The following GALNT15 variants were observed in gnomAD, a reference collection of about 807,000 sequenced individuals.
GALNT15 encodes UDP-GalNAc transferase T15.
In GALNT15, 67 loss-of-function variants were observed where a neutral mutation model predicts 66.8. That is an observed-to-expected ratio of 1.00 (90% CI 0.82 to 1.23). GALNT15 has a LOEUF of 1.23. Among genes scored for constraint, GALNT15 ranks in the 50% most tolerant of loss-of-function variants. The pLI, the probability that GALNT15 is intolerant of heterozygous loss-of-function variation, is 0.00. For synonymous variants in GALNT15, 313 were observed against 311.5 expected (o/e 1.00, Z -0.05); for missense variants, 827 against 804.3 (o/e 1.03, Z -0.34).
rs770005085 is a variant in GALNT15, at chr3:16,211,240, A to G, written c.1196A>G (p.Lys399Arg). 1.9e-6 allele frequency: 3 copies of G among 1,597,474 alleles called. No individual in the cohort carries two copies. Among genetic ancestry groups the G allele is most frequent in the East Asian group, 2.2e-5 (1 of 44,810 alleles). Residue 399 changes from lysine (K) to arginine (R), a missense_variant and splice_region_variant, in exon 5 of 10, where the codon AAG (lysine) becomes AGG (arginine). Coordinates refer to ENST00000339732, the MANE Select transcript of GALNT15 (RefSeq NM_054110.5). This position sits in a 1 kb window ranked among gnomAD's most constrained non-coding sequence, Gnocchi z 4.3. ...RGGENLELSFKAWLCGGSVEI... is the reference protein window; with the variant it reads ...RGGENLELSFRAWLCGGSVEI... ...GGTGAAAACCTCGAACTGTCTTTCA[A>G]GGTATGTCCTGGACCAAGGGAGGAC...
Position 16,195,970 on chromosome 3 carries a change from C to A in GALNT15, c.706+44C>A. The A allele has an allele frequency of 6.3e-7, 1 of 1,598,460 alleles. No homozygotes were observed. The highest frequency in any genetic ancestry group is 8.6e-7 in the Non-Finnish European group (1 of 1,169,236). ...CAGGCTCGTCTGGGTGAGCCTTACC[C>A]CCTGGCGGGTGGAGTTCTCAAGCAA... On this transcript the variant is annotated intron_variant, in intron 2 of 9. Coordinates refer to ENST00000339732, the MANE Select transcript of GALNT15 (RefSeq NM_054110.5). The surrounding 1 kb of genome is among the most constrained non-coding windows in gnomAD (Gnocchi z 4.6).
In GALNT15 at chr3:16,184,918, A is replaced by G. The variant is rs2063503093; in HGVS notation, c.539+9228A>G. On this transcript the variant is annotated intron_variant, in intron 1 of 9. Coordinates refer to ENST00000339732, the MANE Select transcript of GALNT15 (RefSeq NM_054110.5). The surrounding 1 kb of genome is among the most constrained non-coding windows in gnomAD (Gnocchi z 5.0). ...TTCAATCACTGGCTGAGCACAGCTC[A>G]CTGGGGTGGGGTAGGGGTTAATTTT... is the stretch of plus-strand genomic sequence containing the variant. Among the ~76,000 whole-genome samples, 1 of 152,176 alleles carries G rather than the reference A, an allele frequency of 6.6e-6. No individual in the cohort carries two copies. The highest frequency in any genetic ancestry group is 1.9e-4 in the East Asian group (1 of 5,188).
chr3:16,238,298 A>G, the GALNT15 span, among the ~76,000 whole-genome samples: 1 of 144,758 alleles, frequency 6.9e-6, no homozygotes, highest in South Asian at 2.4e-4. The surrounding 1 kb of genome is among the most constrained non-coding windows in gnomAD (Gnocchi z 4.8). Flanking sequence ...GACCAAACAT[A>G]TGTATTCACT....
rs61127995 is a variant in GALNT15, at chr3:16,200,115, A to AAG, written c.707-491_707-490dup. Among the ~76,000 whole-genome samples, 28,927 of 151,414 alleles carry AAG rather than the reference A, an allele frequency of 0.19. 2,907 individuals are homozygous for AAG. Among genetic ancestry groups the AAG allele is most frequent in the South Asian group, 0.32 (1,507 of 4,778 alleles). On this transcript the variant is annotated intron_variant, in intron 2 of 9. Transcript: ENST00000339732. This position sits in a 1 kb window ranked among gnomAD's most constrained non-coding sequence, Gnocchi z 4.4. ...GTCTTACATGGCAGCAAGTGAGAGA[A>AAG]AGAGAGAGAGAGAGGAGGAAAAACT...
rs2063473994 is a variant in GALNT15, at chr3:16,181,769, C to A, written c.539+6079C>A. ...CTGGGGCTGGAACTTAGCTCAATTCCCCCCACAAGAGAGGGAAGACAACCC... is the reference window on the plus strand; with the variant it reads ...CTGGGGCTGGAACTTAGCTCAATTCACCCCACAAGAGAGGGAAGACAACCC... On this transcript the variant is annotated intron_variant, in intron 1 of 9. Transcript: ENST00000339732. The surrounding 1 kb of genome is among the most constrained non-coding windows in gnomAD (Gnocchi z 5.9). Among the ~76,000 whole-genome samples the A allele has an allele frequency of 6.6e-6, 1 of 152,128 alleles. No individual in the cohort carries two copies. The highest frequency in any genetic ancestry group is 1.5e-5 in the Non-Finnish European group (1 of 68,028).
In GALNT15 at chr3:16,219,291, C is replaced by A. The variant is rs1203614474; in HGVS notation, c.1393-112C>A. 9.3e-6 allele frequency: 13 copies of A among 1,398,666 alleles called. No homozygotes were observed. The highest frequency in any genetic ancestry group is 1.3e-5 in the Non-Finnish European group (13 of 1,019,716). The allele number at this position is 1,398,666 out of a possible 1,614,324, so 86.6% of individuals were successfully genotyped here. A position where few individuals can be genotyped will look rare whatever the true frequency, so the allele number is the denominator to read the frequency against. ...GCCCTGGAGAACTGTGGTCTTGGCC[C>A]CTTCCTTCTGTCCTGATCCTTTAGC... On this transcript the variant is annotated intron_variant, in intron 6 of 9. Coordinates refer to ENST00000339732, the MANE Select transcript of GALNT15 (RefSeq NM_054110.5). This position sits in a 1 kb window ranked among gnomAD's most constrained non-coding sequence, Gnocchi z 4.3.
rs1380359266 is a variant in GALNT15, at chr3:16,229,924, G to C, written c.*2424G>C. On this transcript the variant is annotated 3_prime_UTR_variant, in exon 10 of 10. Coordinates refer to ENST00000339732, the MANE Select transcript of GALNT15 (RefSeq NM_054110.5). ...TGGTATTTACAGACCCTTAATTTAA[G>C]TAAAACAGATGCCTCCATTTAGTTC... Among the ~76,000 whole-genome samples, 3 of 152,166 alleles carry C rather than the reference G, an allele frequency of 2.0e-5. No individual in the cohort carries two copies. The highest frequency in any genetic ancestry group is 7.2e-5 in the African/African-American group (3 of 41,438).
In GALNT15 at chr3:16,227,693, TTAAAA is replaced by T; in HGVS notation, c.*194_*198del. 1.6e-6 allele frequency: 2 copies of T among 1,255,810 alleles called. No homozygotes were observed. The highest frequency in any genetic ancestry group is 2.0e-6 in the Non-Finnish European group (2 of 984,864). The allele number at this position is 1,255,810 out of a possible 1,614,324, so 77.8% of individuals were successfully genotyped here. A position where few individuals can be genotyped will look rare whatever the true frequency, so the allele number is the denominator to read the frequency against. On this transcript the variant is annotated 3_prime_UTR_variant, in exon 10 of 10. Coordinates refer to ENST00000339732, the MANE Select transcript of GALNT15 (RefSeq NM_054110.5). This position sits in a 1 kb window ranked among gnomAD's most constrained non-coding sequence, Gnocchi z 4.5. The stretch of plus-strand genomic sequence containing the variant: ...CTTATTTCATTGACTGCTGGCTGCT[TTAAAA>T]AAAAAAAAAAAGGATCCATTGTACC...
chr3:16,210,058 A>G (rs1277859739), intron 4 of GALNT15, among the ~76,000 whole-genome samples: 1 of 152,238 alleles, frequency 6.6e-6, no homozygotes, highest in Non-Finnish European at 1.5e-5. Context: ...ATTAAAAAGC[A>G]CACTGGTCCC....
At chr3:16,190,605 T>G (rs983725605) in intron 1 of GALNT15, among the ~76,000 whole-genome samples, 1 of 132,914 alleles carries the variant, frequency 7.5e-6, no homozygotes, top group Non-Finnish European at 1.5e-5. Context: ...GCCACTGCAC[T>G]CCAGCCTGGG....
At position 16,222,743 on chromosome 3, in the gene GALNT15, C is replaced by A. The variant is rs1258596691; in HGVS notation, c.1758C>A (p.His586Gln). The A allele has an allele frequency of 2.5e-6, 4 of 1,614,140 alleles. No homozygotes were observed. Among genetic ancestry groups the A allele is most frequent in the Admixed American group, 1.7e-5 (1 of 60,032 alleles). ...TEEGLAIHQQHWDFQENGMIV... is the reference protein window; with the variant it reads ...TEEGLAIHQQQWDFQENGMIV... ...AAGGCCTGGCCATCCACCAGCAGCA[C>A]TGGGACTTCCAGGAGGTGAGTAATC... Residue 586 changes from histidine to glutamine, a missense_variant, in exon 9 of 10, where the codon CAC (histidine) becomes CAA (glutamine). His to Gln is a conservative substitution (Grantham distance 24). Coordinates refer to ENST00000339732, the MANE Select transcript of GALNT15 (RefSeq NM_054110.5).
chr3:16,184,378 G>C lies in GALNT15; in HGVS notation c.539+8688G>C, dbSNP rs1333382092. ...TTGCCATGCTCTGCCTCATTGGTTGGCTCAGCAATGCTATGAATGTCTTTC... is the reference window on the plus strand; with the variant it reads ...TTGCCATGCTCTGCCTCATTGGTTGCCTCAGCAATGCTATGAATGTCTTTC... On this transcript the variant is annotated intron_variant, in intron 1 of 9. Transcript: ENST00000339732. This position sits in a 1 kb window ranked among gnomAD's most constrained non-coding sequence, Gnocchi z 5.0. 1.3e-5 allele frequency among the ~76,000 whole-genome samples: 2 copies of C among 152,158 alleles called. No homozygotes were observed. Among genetic ancestry groups the C allele is most frequent in the Non-Finnish European group, 2.9e-5 (2 of 68,042 alleles).
Position 16,225,639 on chromosome 3 carries a change from G to A in GALNT15, c.1774-1715G>A, listed in dbSNP as rs6794773. ...GAACCCAGGAGGCAGAGGTTGCACT[G>A]AGCTGAGATCGTGCCACTGTACTCC... On this transcript the variant is annotated intron_variant, in intron 9 of 9. Coordinates refer to ENST00000339732, the MANE Select transcript of GALNT15 (RefSeq NM_054110.5). The surrounding 1 kb of genome is among the most constrained non-coding windows in gnomAD (Gnocchi z 4.4). Among the ~76,000 whole-genome samples, 26,999 of 152,112 alleles carry A rather than the reference G, an allele frequency of 0.18. 2,695 individuals are homozygous for A. The highest frequency in any genetic ancestry group is 0.24 in the African/African-American group (10,146 of 41,458).
intron 8 of GALNT15, chr3:16,220,378 T>TGAA: frequency 3.9e-6 from 1 of 258,236 alleles, no homozygotes; most frequent in Admixed American, 4.7e-5. Context: ...GTCCCAGGAC[T>TGAA]GAAGAAGAAG....
At chr3:16,177,320 G>A (rs1446825272) in intron 1 of GALNT15, among the ~76,000 whole-genome samples, 1 of 152,226 alleles carries the variant, frequency 6.6e-6, no homozygotes, top group African/African-American at 2.4e-5. Context: ...AAACGAGAGG[G>A]TCTGTGGCTA....
In GALNT15 at chr3:16,229,795, C is replaced by T; in HGVS notation, c.*2295C>T. The stretch of plus-strand genomic sequence containing the variant: ...ACAAAAGGACCCAGATGGCTTATTG[C>T]CTAATTGGGTGAACAAAGCAAGAAT... On this transcript the variant is annotated 3_prime_UTR_variant, in exon 10 of 10. Coordinates refer to ENST00000339732, the MANE Select transcript of GALNT15 (RefSeq NM_054110.5). 1 of 951,286 alleles carries T rather than the reference C, an allele frequency of 1.1e-6. No homozygotes were observed. The highest frequency in any genetic ancestry group is 1.3e-6 in the Non-Finnish European group (1 of 798,820). 58.9% of individuals were successfully genotyped at this position (951,286 alleles called of 1,614,324 possible). A position where few individuals can be genotyped will look rare whatever the true frequency, so the allele number is the denominator to read the frequency against.
chr3:16,232,009 T>A, downstream of GALNT15: 2 of 1,435,318 alleles, frequency 1.4e-6, no homozygotes, highest in South Asian at 1.4e-5. Context: ...ATCTTTAAAG[T>A]CATAACTTGC....
the GALNT15 span, among the ~76,000 whole-genome samples, chr3:16,241,480 C>G: frequency 6.6e-6 from 1 of 152,244 alleles, no homozygotes; most frequent in Non-Finnish European, 1.5e-5. The surrounding 1 kb of genome is among the most constrained non-coding windows in gnomAD (Gnocchi z 4.6). Context: ...TCCCACTGCA[C>G]TGTTCCAGTT....
downstream of GALNT15, among the ~76,000 whole-genome samples, chr3:16,232,508 A>ATATATTTATT (rs1553689265): frequency 2.5e-5 from 2 of 78,630 alleles, no homozygotes; most frequent in Non-Finnish European, 4.8e-5. Flanking sequence ...ATATATATAT[A>ATATATTTATT]TATTTATTTA....
Sources: gnomAD v4.1 joint callset for allele counts (sites outside exome capture counted in the v4.1 genomes callset) on GRCh38, gnomAD v4.1.1 for gene constraint, Gnocchi (gnomAD v3.1) non-coding constraint, MANE v1.5 for transcripts, NCBI Gene and HGNC (gene_info 2026-07-23, HGNC 2026-07-21) for gene names.